The following COL11A2 variants were observed in gnomAD, a reference collection of about 807,000 sequenced individuals.
COL11A2 encodes the protein collagen type XI alpha 2 chain, also known as collagen alpha-2(XI) chain.
A neutral mutation model predicts 273.4 loss-of-function variants in COL11A2; 116 were observed. That is an observed-to-expected ratio of 0.42 (90% CI 0.36 to 0.49). COL11A2 has a LOEUF of 0.49. Among genes scored for constraint, COL11A2 ranks in the 20% least tolerant of loss-of-function variants. The pLI, the probability that COL11A2 is intolerant of heterozygous loss-of-function variation, is 0.00. For synonymous variants in COL11A2, 782 were observed against 864.2 expected (o/e 0.90, Z 1.67); for missense variants, 1,866 against 2,309.0 (o/e 0.81, Z 3.93).
Position 33,177,021 on chromosome 6 carries a change from G to A in COL11A2, c.2041C>T (p.Pro681Ser), listed in dbSNP as rs1771002673. The A allele has an allele frequency of 1.2e-6, 2 of 1,612,186 alleles. No homozygotes were observed. The highest frequency in any genetic ancestry group is 1.7e-6 in the Non-Finnish European group (2 of 1,179,646). ...GGTCCGTCTGAGCCAGGCATGCCGG[G>A]GAGCCCTGGCTTCCCTTGAGGACCC... Reference protein sequence around the residue: ...EKGPQGKPGLPGMPGSDGPPG... With the variant: ...EKGPQGKPGLSGMPGSDGPPG... Residue 681 changes from proline to serine, a missense_variant, in exon 25 of 66, where the codon CCC (proline) becomes TCC (serine). Transcript: ENST00000341947. This position sits in a 1 kb window ranked among gnomAD's most constrained non-coding sequence, Gnocchi z 5.9.
In COL11A2 at chr6:33,179,008, G is replaced by A. The variant is rs1771327037; in HGVS notation, c.1612-35C>T. The stretch of plus-strand genomic sequence containing the variant: ...CAAGGGAAGTGTCAGAACAAGCAGG[G>A]CCGCAGTCCCCTACCCTGCAGGCCC... On this transcript the variant is annotated intron_variant, in intron 16 of 65. Coordinates refer to ENST00000341947, the MANE Select transcript of COL11A2 (RefSeq NM_080680.3). The surrounding 1 kb of genome is among the most constrained non-coding windows in gnomAD (Gnocchi z 6.4). 4 of 1,613,962 alleles carry A rather than the reference G, an allele frequency of 2.5e-6. No homozygotes were observed. In the South Asian group the frequency reaches 3.3e-5, roughly 13 times the overall value.
At chr6:33,185,812 G>A (rs781119741) in intron 5 of COL11A2, 34 bp from the exon 6 acceptor site, 6 of 780,254 alleles carry the variant, frequency 7.7e-6, no homozygotes, top group Admixed American at 1.9e-5. Context: ...ACAGGAAGGG[G>A]ATGGGGTAAT....
Position 33,190,118 on chromosome 6 carries a change from C to T in COL11A2, c.83-649G>A, listed in dbSNP as rs995425823. On this transcript the variant is annotated intron_variant, in intron 1 of 65. Transcript: ENST00000341947. The surrounding 1 kb of genome is among the most constrained non-coding windows in gnomAD (Gnocchi z 4.5). ...GGTTTGGGGGATGGGGTGGGAACAA[C>T]CCTGAGCATGCTGAGGAAAAAGATA... 1.4e-4 allele frequency among the ~76,000 whole-genome samples: 21 copies of T among 152,070 alleles called. No homozygotes were observed. Among genetic ancestry groups the T allele is most frequent in the African/African-American group, 4.8e-4 (20 of 41,412 alleles).
chr6:33,178,277 C>T lies in COL11A2; in HGVS notation c.1818+31G>A, dbSNP rs769813292. ...CCCCCTCCTGGCTTCCCCAGAGCCC[C>T]CTCCCCCAGCACCAGCCCTTGGACA... On this transcript the variant is annotated intron_variant, in intron 20 of 65. Transcript: ENST00000341947. This position sits in a 1 kb window ranked among gnomAD's most constrained non-coding sequence, Gnocchi z 4.6. The T allele has an allele frequency of 1.9e-6, 3 of 1,612,878 alleles. No individual in the cohort carries two copies. The highest frequency in any genetic ancestry group is 2.5e-6 in the Non-Finnish European group (3 of 1,179,964).
rs917708164 is a variant in COL11A2 at position 33,176,999 on chromosome 6, C to T, written c.2063G>A (p.Gly688Glu). 1.2e-6 allele frequency: 2 copies of T among 1,611,510 alleles called. No individual in the cohort carries two copies. Among genetic ancestry groups the T allele is most frequent in the Non-Finnish European group, 1.7e-6 (2 of 1,179,276 alleles). The change falls in exon 25 of 66, where the codon GGA (glycine) becomes GAA (glutamate). Residue 688 changes from glycine (G) to glutamate (E), a missense_variant. Physicochemically the swap from Gly to Glu is moderately conservative, Grantham distance 98 (BLOSUM62 -2). Transcript: ENST00000341947. The surrounding 1 kb of genome is among the most constrained non-coding windows in gnomAD (Gnocchi z 4.9). Reference protein sequence around the residue: ...PGLPGMPGSDGPPGHPGKEGP... With the variant: ...PGLPGMPGSDEPPGHPGKEGP... ...AAGTGGGGTCCCACTCACCGGGGGTCCGTCTGAGCCAGGCATGCCGGGGAG... is the reference window on the plus strand; with the variant it reads ...AAGTGGGGTCCCACTCACCGGGGGTTCGTCTGAGCCAGGCATGCCGGGGAG...
rs773013617 is a variant in COL11A2 at position 33,169,361 on chromosome 6, GC to G, written c.3798+21del. ...CATTCACAGGGCCTGAGAGGACTCA[GC>G]CCCCACTGCCCCAAACTCACAGGGT... is the stretch of plus-strand genomic sequence containing the variant. On this transcript the variant is annotated intron_variant, in intron 51 of 65. Coordinates refer to ENST00000341947, the MANE Select transcript of COL11A2 (RefSeq NM_080680.3). The surrounding 1 kb of genome is among the most constrained non-coding windows in gnomAD (Gnocchi z 5.5). The G allele has an allele frequency of 4.6e-5, 74 of 1,597,548 alleles. No homozygotes were observed. In the South Asian group the frequency reaches 7.1e-4, roughly 15 times the overall value.
chr6:33,178,613 C>T lies in COL11A2; in HGVS notation c.1719+66G>A. 1.2e-6 allele frequency: 2 copies of T among 1,607,816 alleles called. No homozygotes were observed. Among genetic ancestry groups the T allele is most frequent in the Non-Finnish European group, 8.5e-7 (1 of 1,175,712 alleles). The stretch of plus-strand genomic sequence containing the variant: ...CTGCCAAGCCTCCAGCCTCCCTTCC[C>T]TACCTATCCTCACTCCCATAGAAGA... On this transcript the variant is annotated intron_variant, in intron 18 of 65. Coordinates refer to ENST00000341947, the MANE Select transcript of COL11A2 (RefSeq NM_080680.3). The surrounding 1 kb of genome is among the most constrained non-coding windows in gnomAD (Gnocchi z 4.6).
intron 9 of COL11A2, 38 bp downstream of exon 9, chr6:33,181,073 A>G: frequency 6.2e-7 from 1 of 1,614,080 alleles, no homozygotes; most frequent in Non-Finnish European, 8.5e-7. Context: ...TGCTTCTCCT[A>G]TTTCCACTGC....
At chr6:33,188,157 G>A (rs959921249) in intron 4 of COL11A2, among the ~76,000 whole-genome samples, 1 of 152,072 alleles carries the variant, frequency 6.6e-6, no homozygotes, top group Admixed American at 6.5e-5. Flanking sequence ...CAGAGTAAGT[G>A]GCTGTGGACA....
intron 5 of COL11A2, 134 bp from the exon 6 acceptor site, chr6:33,185,912 G>A (rs1260041716): frequency 2.5e-6 from 1 of 401,220 alleles, no homozygotes; most frequent in African/African-American, 2.0e-5. Context: ...GGGAAACAGA[G>A]AGTTGAAGAT....
In COL11A2 at chr6:33,179,527, G is replaced by T; in HGVS notation, c.1447-40C>A. On this transcript the variant is annotated intron_variant, in intron 13 of 65. Coordinates refer to ENST00000341947, the MANE Select transcript of COL11A2 (RefSeq NM_080680.3). This position sits in a 1 kb window ranked among gnomAD's most constrained non-coding sequence, Gnocchi z 6.4. ...GGACAGCAGAGCTGAGGGACAGGCA[G>T]TGGGAACCCCCAGCCCCAGCACTCT... is the stretch of plus-strand genomic sequence containing the variant. 6.5e-7 allele frequency: 1 copy of T among 1,531,970 alleles called. No individual in the cohort carries two copies. The allele number at this position is 1,531,970 out of a possible 1,614,324, so 94.9% of individuals were successfully genotyped here.
At chr6:33,181,535 C>T (rs115375106) in intron 8 of COL11A2, among the ~76,000 whole-genome samples, 1,692 of 152,172 alleles carry the variant, frequency 0.011, 14 homozygotes, top group Non-Finnish European at 0.018. Flanking sequence ...AGTATAGTGG[C>T]GCGATCTCGG....
Position 33,170,605 on chromosome 6 carries a change from C to G in COL11A2, c.3480G>C (p.Leu1160Phe). 6.2e-7 allele frequency: 1 copy of G among 1,612,528 alleles called. No homozygotes were observed. The highest frequency in any genetic ancestry group is 8.5e-7 in the Non-Finnish European group (1 of 1,179,788). The change falls in exon 47 of 66, where the codon TTG (leucine) becomes TTC (phenylalanine). Residue 1160 changes from leucine to phenylalanine, a missense_variant. Leu to Phe is a conservative substitution (Grantham distance 22, BLOSUM62 0). Transcript: ENST00000341947. The surrounding 1 kb of genome is among the most constrained non-coding windows in gnomAD (Gnocchi z 4.3). ...GPPGPIGLQG[L>F]PGPSGEKGET... is the part of the protein sequence containing the mutation. ...CTCCCTTCTCCCCAGAGGGGCCTGG[C>G]AAACCCTGTGCAAGTATACAAAACA...
At chr6:33,184,653 G>A (rs1772141140) in intron 7 of COL11A2, among the ~76,000 whole-genome samples, 1 of 152,174 alleles carries the variant, frequency 6.6e-6, no homozygotes, top group African/African-American at 2.4e-5. Context: ...CAAAGAGATA[G>A]GGAAGACAAA....
rs1331070180 is a variant in COL11A2 at position 33,173,012 on chromosome 6, G to A, written c.2790+48C>T. 6.3e-7 allele frequency: 1 copy of A among 1,588,030 alleles called. No homozygotes were observed. Among genetic ancestry groups the A allele is most frequent in the Admixed American group, 1.7e-5 (1 of 59,662 alleles). ...GTGACCGAGAGAAGAGGGGCAGACA[G>A]ACTAATGCTAGGGTCAGGGGTCCAT... On this transcript the variant is annotated intron_variant, in intron 38 of 65. Coordinates refer to ENST00000341947, the MANE Select transcript of COL11A2 (RefSeq NM_080680.3). This position sits in a 1 kb window ranked among gnomAD's most constrained non-coding sequence, Gnocchi z 6.3.
At position 33,185,016 on chromosome 6, in the gene COL11A2, C is replaced by T. The variant is rs1314885007; in HGVS notation, c.915G>A (p.Ser305=). ...TPGEEEEILE[S]SLLPPLEEEQ... The stretch of plus-strand genomic sequence containing the variant: ...CCTCCTCAAGGGGTGGCAAGAGGCT[C>T]GACTCCAGGATTTCTTCCTCTTCAC... The change falls in exon 7 of 66, where the codon TCG becomes TCA. Residue 305 remains serine, a synonymous_variant. Transcript: ENST00000341947. 5 of 1,551,260 alleles carry T rather than the reference C, an allele frequency of 3.2e-6. No homozygotes were observed. The highest frequency in any genetic ancestry group is 4.4e-6 in the Non-Finnish European group (5 of 1,146,754).
At chr6:33,175,535 C>T (rs1327581830) in intron 30 of COL11A2, 39 bp downstream of exon 30, 3 of 1,577,364 alleles carry the variant, frequency 1.9e-6, no homozygotes, top group Non-Finnish European at 1.7e-6. Context: ...AGTGCCCACA[C>T]CCCCAGAGGA....
Position 33,167,833 on chromosome 6 carries a change from C to G in COL11A2, c.3980G>C (p.Gly1327Ala). The change falls in exon 55 of 66, where the codon GGT (glycine) becomes GCT (alanine). Residue 1327 changes from glycine (G) to alanine (A), a missense_variant. Gly to Ala is a moderately conservative substitution (Grantham distance 60, BLOSUM62 0). Transcript: ENST00000341947. The surrounding 1 kb of genome is among the most constrained non-coding windows in gnomAD (Gnocchi z 6.1). ...LGKRGPAGSP[G>A]SEGRQGGKGA... ...CTTCCCTCCTTGTCGCCCCTCGGAA[C>G]CAGGCGAGCCAGCAGGACCCTGCAG... 6.2e-7 allele frequency: 1 copy of G among 1,612,880 alleles called. No homozygotes were observed. The highest frequency in any genetic ancestry group is 8.5e-7 in the Non-Finnish European group (1 of 1,179,962).
Position 33,165,856 on chromosome 6 carries a change from T to A in COL11A2, c.4483-40A>T. On this transcript the variant is annotated intron_variant, in intron 62 of 65. Transcript: ENST00000341947. This position sits in a 1 kb window ranked among gnomAD's most constrained non-coding sequence, Gnocchi z 7.7. Reference sequence around the variant, plus strand: ...AGATGGAGAGGGCAAGAGACAAGGTTGGTGTGAGGGTGAAGTGTGGCAGCA... The same window carrying A: ...AGATGGAGAGGGCAAGAGACAAGGTAGGTGTGAGGGTGAAGTGTGGCAGCA... 1 of 1,613,460 alleles carries A rather than the reference T, an allele frequency of 6.2e-7. No individual in the cohort carries two copies. Among genetic ancestry groups the A allele is most frequent in the South Asian group, 1.1e-5 (1 of 91,064 alleles).
Sources: gnomAD v4.1 joint callset for allele counts (sites outside exome capture counted in the v4.1 genomes callset) on GRCh38, gnomAD v4.1.1 for gene constraint, Gnocchi (gnomAD v3.1) non-coding constraint, MANE v1.5 for transcripts, NCBI Gene and HGNC (gene_info 2026-07-23, HGNC 2026-07-21) for gene names.